The following GABRR3 variants were observed in gnomAD, a reference collection of about 807,000 sequenced individuals.
GABRR3 encodes gamma-aminobutyric acid receptor subunit rho-3.
In GABRR3, 29 loss-of-function variants were observed where a neutral mutation model predicts 43.2. The ratio of observed to expected loss-of-function variants is 0.67; its 90% CI spans 0.50 to 0.92. The LOEUF is 0.92. GABRR3 is among the 40% of genes least tolerant of loss of function. GABRR3 has a pLI of 0.00. For missense variants in GABRR3, 576 were observed against 572.3 expected (o/e 1.01, Z -0.07); for synonymous variants, 206 against 195.9 (o/e 1.05, Z -0.43).
intron 3 of GABRR3, among the ~76,000 whole-genome samples, chr3:98,024,959 T>C (rs570915088): frequency 6.6e-6 from 1 of 152,342 alleles, no homozygotes; most frequent in South Asian, 2.1e-4. Context: ...GCTCTACCAC[T>C]TTCTGTTTTC....
intron 7 of GABRR3, among the ~76,000 whole-genome samples, chr3:98,002,621 T>C (rs970090948): frequency 1.4e-4 from 22 of 152,178 alleles, no homozygotes; most frequent in Admixed American, 2.6e-4. Flanking sequence ...TTACCTTGCT[T>C]TATTTCACAA....
intron 4 of GABRR3, among the ~76,000 whole-genome samples, chr3:98,016,467 T>C (rs1042012161): frequency 3.9e-5 from 6 of 152,046 alleles, no homozygotes; most frequent in Admixed American, 1.3e-4. Context: ...CAGGAGCAGA[T>C]GGCGGTGTCA....
At chr3:98,003,702 C>G (rs972188007) in intron 7 of GABRR3, among the ~76,000 whole-genome samples, 3 of 152,092 alleles carry the variant, frequency 2.0e-5, no homozygotes, top group Admixed American at 6.6e-5. Context: ...AATAAAAAGC[C>G]TAGGTCTCTT....
intron 7 of GABRR3, among the ~76,000 whole-genome samples, chr3:98,005,268 A>C (rs972656844): frequency 6.6e-6 from 1 of 151,896 alleles, no homozygotes; most frequent in African/African-American, 2.4e-5. Flanking sequence ...GTATATAAGC[A>C]CTCATGCACT....
In GABRR3 at chr3:98,034,717, G is replaced by A. The variant is rs562693489; in HGVS notation, c.125+146C>T. ...ATGTCAAACAGAGGTGATTTATGAT[G>A]ATGCATGAATGCTATCTCTAGAGAC... On this transcript the variant is annotated intron_variant, in intron 2 of 9. Coordinates refer to ENST00000621172, the Ensembl canonical transcript of GABRR3. The A allele has an allele frequency of 5.9e-5, 53 of 893,952 alleles. No homozygotes were observed. In the South Asian group the frequency reaches 8.5e-4, roughly 14 times the overall value. The allele number at this position is 893,952 out of a possible 1,614,324, so 55.4% of individuals were successfully genotyped here.
At chr3:97,994,513 C>T (rs1404627439) in intron 8 of GABRR3, among the ~76,000 whole-genome samples, 1 of 152,204 alleles carries the variant, frequency 6.6e-6, no homozygotes, top group Non-Finnish European at 1.5e-5. Flanking sequence ...ATGGTACTAT[C>T]AACGATCTGC....
At chr3:97,997,943 T>C (rs1476442476) in intron 8 of GABRR3, 6 of 152,156 alleles carry the variant, frequency 3.9e-5, no homozygotes, top group Admixed American at 3.9e-4. Context: ...TGGAGCTAAA[T>C]TTGCAAAAAT....
chr3:98,001,236 T>C (rs945391484), intron 8 of GABRR3: 4 of 180,898 alleles, frequency 2.2e-5, no homozygotes, highest in Non-Finnish European at 4.7e-5. Flanking sequence ...AAGGTTTTCC[T>C]TTCTGTGATG....
At chr3:97,996,065 T>A (rs186764944) in intron 8 of GABRR3, among the ~76,000 whole-genome samples, 10 of 152,172 alleles carry the variant, frequency 6.6e-5, no homozygotes, top group African/African-American at 2.4e-4. Flanking sequence ...ATCTTTCAGT[T>A]TCATTGGCTA....
At chr3:97,992,802 A>G in intron 9 of GABRR3, 50 bp downstream of exon 9, 1 of 1,492,694 alleles carries the variant, frequency 6.7e-7, no homozygotes, top group Non-Finnish European at 9.1e-7. Flanking sequence ...AGATAAGGGT[A>G]GTCTTTTCCA....
chr3:98,010,069 C>G (rs1240732343), intron 5 of GABRR3, among the ~76,000 whole-genome samples: 2 of 152,150 alleles, frequency 1.3e-5, no homozygotes, highest in Admixed American at 6.5e-5. Context: ...AAGAGCTGTG[C>G]TGACAACAAT....
chr3:98,022,258 A>G (rs1359567395), intron 3 of GABRR3, among the ~76,000 whole-genome samples: 1 of 152,256 alleles, frequency 6.6e-6, no homozygotes, highest in Admixed American at 6.5e-5. Flanking sequence ...ATGAGCTGCA[A>G]TTTATAACCC....
chr3:97,990,722 G>A (rs1706455496), intron 9 of GABRR3, among the ~76,000 whole-genome samples: 1 of 151,378 alleles, frequency 6.6e-6, no homozygotes, highest in South Asian at 2.1e-4. Context: ...ACATTCCCTT[G>A]AGATAGTTGC....
At chr3:98,001,500 T>C (rs770786846) in intron 8 of GABRR3, 115 bp downstream of exon 8, 18 of 1,104,258 alleles carry the variant, frequency 1.6e-5, no homozygotes, top group Non-Finnish European at 2.3e-5. Flanking sequence ...TGTTCATCTC[T>C]GACTATCCCT....
chr3:97,995,513 T>A (rs1475612950), intron 8 of GABRR3, among the ~76,000 whole-genome samples: 1 of 152,196 alleles, frequency 6.6e-6, no homozygotes, highest in East Asian at 1.9e-4. Context: ...TTAATCATTT[T>A]CTTTAAAAGG....
At chr3:98,019,804 T>C (rs868407556) in intron 3 of GABRR3, among the ~76,000 whole-genome samples, 11 of 152,180 alleles carry the variant, frequency 7.2e-5, no homozygotes, top group Non-Finnish European at 2.9e-5. Context: ...CCTCAGGTGA[T>C]CTGCCCGCCT....
At chr3:98,012,768 C>T (rs1408067807) in intron 4 of GABRR3, among the ~76,000 whole-genome samples, 1 of 151,918 alleles carries the variant, frequency 6.6e-6, no homozygotes, top group Non-Finnish European at 1.5e-5. Flanking sequence ...GCCTAGTGAA[C>T]GTTGAGAATT....
intron 3 of GABRR3, among the ~76,000 whole-genome samples, chr3:98,023,002 TAAGAG>T (rs1277318898): frequency 6.6e-6 from 1 of 152,080 alleles, no homozygotes; most frequent in Non-Finnish European, 1.5e-5. Flanking sequence ...TGTTTTAAGA[TAAGAG>T]AGGAGAGTTG....
exon 8 of GABRR3, chr3:98,001,620 G>C: frequency 1.2e-5 from 20 of 1,612,852 alleles, no homozygotes; most frequent in Non-Finnish European, 1.7e-5. Context: ...TTTACCCAGG[G>C]AAACTCTTGC....
Sources: allele counts gnomAD v4.1 joint callset (sites outside exome capture counted in the v4.1 genomes callset), GRCh38; gene constraint gnomAD v4.1.1; transcripts MANE v1.5; gene names NCBI Gene and HGNC (gene_info 2026-07-23, HGNC 2026-07-21).